The following TNFRSF21 variants were observed in gnomAD, a reference collection of about 807,000 sequenced individuals.
TNFRSF21 encodes the protein tumor necrosis factor receptor superfamily member 21.
TNFRSF21 carries 19 observed loss-of-function variants against 45.6 expected under a neutral mutation model. The ratio of observed to expected loss-of-function variants is 0.42; its 90% CI spans 0.29 to 0.61. The LOEUF (loss-of-function observed/expected upper bound fraction) is 0.61. TNFRSF21 is among the 20% of genes least tolerant of loss of function. The probability of loss-of-function intolerance (pLI) is 0.23; values close to 1 mark genes in which losing one functional copy is unlikely to be tolerated. For synonymous variants in TNFRSF21, 314 were observed against 335.5 expected, an observed-to-expected ratio of 0.94 and a Z score of 0.70; for missense variants, 737 against 851.5, an observed-to-expected ratio of 0.87 and a Z score of 1.67.
At chr6:47,282,248 G>A (rs1159258465) in intron 3 of TNFRSF21, among the ~76,000 whole-genome samples, 1 of 152,002 alleles carries the variant, frequency 6.6e-6, no homozygotes, top group African/African-American at 2.4e-5. Flanking sequence ...AGCTGGGCAT[G>A]GTGGTACATG....
intron 3 of TNFRSF21, among the ~76,000 whole-genome samples, chr6:47,256,584 C>G (rs1333359046): frequency 1.3e-5 from 2 of 152,204 alleles, no homozygotes; most frequent in African/African-American, 4.8e-5. Context: ...CATTACTGTA[C>G]TTCTCACACA....
chr6:47,256,818 T>C (rs745330733), intron 3 of TNFRSF21, among the ~76,000 whole-genome samples: 6 of 152,198 alleles, frequency 3.9e-5, no homozygotes, highest in Non-Finnish European at 7.4e-5. Flanking sequence ...TGAATCTTAA[T>C]TTAGATCAAT....
At chr6:47,283,484 A>T (rs1762597520) in intron 3 of TNFRSF21, among the ~76,000 whole-genome samples, 1 of 152,190 alleles carries the variant, frequency 6.6e-6, no homozygotes, top group Admixed American at 6.5e-5. Flanking sequence ...CAAACTTATG[A>T]CAAGTTGGGT....
intron 1 of TNFRSF21, among the ~76,000 whole-genome samples, chr6:47,308,809 C>T (rs1362027920): frequency 6.6e-6 from 1 of 152,212 alleles, no homozygotes; most frequent in African/African-American, 2.4e-5. Context: ...CCTGAGACCC[C>T]ACCCGAGCCA....
In TNFRSF21 at chr6:47,257,229, G is replaced by GA. The variant is rs569577719; in HGVS notation, c.1244-3709dup. Among the ~76,000 whole-genome samples, 618 of 148,504 alleles carry GA rather than the reference G, an allele frequency of 4.2e-3. 2 individuals carry two copies. The highest frequency in any genetic ancestry group is 7.4e-3 in the Non-Finnish European group (493 of 66,886). ...TTAAGCCACAAAATAAAGAAAAAAA[G>GA]AAAAAAAAACCCACAAAGAATAGAT... is the stretch of plus-strand genomic sequence containing the variant. On this transcript the variant is annotated intron_variant, in intron 3 of 5. Transcript: ENST00000296861.
In TNFRSF21 at chr6:47,286,094, T is replaced by C; in HGVS notation, c.598A>G (p.Ile200Val). 1 of 1,614,164 alleles carries C rather than the reference T, an allele frequency of 6.2e-7. No individual in the cohort carries two copies. The highest frequency in any genetic ancestry group is 8.5e-7 in the Non-Finnish European group (1 of 1,180,018). The change falls in exon 2 of 6, where the codon ATC (isoleucine) becomes GTC (valine). Residue 200 changes from isoleucine to valine, a missense_variant. By Grantham distance (29) the Ile-to-Val change is conservative (BLOSUM62 3). Transcript: ENST00000296861. ...TDCLSQNLVV[I>V]KPGTKETDNV... ...TCTGTCTCCTTGGTCCCCGGCTTGA[T>C]CACCACCAGGTTCTGACTCAGACAG...
chr6:47,274,427 G>A (rs1052122777), intron 3 of TNFRSF21, among the ~76,000 whole-genome samples: 26 of 152,286 alleles, frequency 1.7e-4, no homozygotes, highest in African/African-American at 6.0e-4. Context: ...GGGAAAACTG[G>A]CTAGCCACAT....
chr6:47,283,854 G>T, intron 3 of TNFRSF21, 84 bp downstream of exon 3: 2 of 1,514,202 alleles, frequency 1.3e-6, no homozygotes, highest in East Asian at 4.5e-5. Context: ...CACAAACTAC[G>T]CATTCCCATT....
intron 4 of TNFRSF21, among the ~76,000 whole-genome samples, chr6:47,242,273 A>G (rs1764755418): frequency 6.6e-6 from 1 of 152,222 alleles, no homozygotes; most frequent in Non-Finnish European, 1.5e-5. Flanking sequence ...CAGAATAATG[A>G]AAAGGTTTTG....
intron 1 of TNFRSF21, among the ~76,000 whole-genome samples, chr6:47,297,306 T>G (rs1326192759): frequency 6.6e-6 from 1 of 152,226 alleles, no homozygotes; most frequent in Non-Finnish European, 1.5e-5. Context: ...CAATACCTAC[T>G]CTTCAAAGAC....
intron 3 of TNFRSF21, among the ~76,000 whole-genome samples, chr6:47,259,268 G>A (rs1392290202): frequency 6.6e-6 from 1 of 152,204 alleles, no homozygotes; most frequent in African/African-American, 2.4e-5. Context: ...GATCTAAATT[G>A]TTTAACTGGA....
chr6:47,297,879 G>A (rs1353588073), intron 1 of TNFRSF21, among the ~76,000 whole-genome samples: 1 of 152,098 alleles, frequency 6.6e-6, no homozygotes, highest in Non-Finnish European at 1.5e-5. Flanking sequence ...CCTGAGAAGT[G>A]TATCAAAGAC....
intron 3 of TNFRSF21, among the ~76,000 whole-genome samples, chr6:47,261,184 CACAGCACAT>C (rs1765069184): frequency 6.6e-6 from 1 of 152,176 alleles, no homozygotes; most frequent in Non-Finnish European, 1.5e-5. Context: ...CAGAGATGGC[CACAGCACAT>C]ACAGCAACTA....
intron 1 of TNFRSF21, among the ~76,000 whole-genome samples, chr6:47,305,793 C>A (rs1181824820): frequency 6.6e-6 from 1 of 152,212 alleles, no homozygotes; most frequent in Non-Finnish European, 1.5e-5. Flanking sequence ...GACCTCATAT[C>A]TTTACCAATT....
intron 1 of TNFRSF21, among the ~76,000 whole-genome samples, chr6:47,294,923 C>A: frequency 6.6e-6 from 1 of 152,316 alleles, no homozygotes; most frequent in Non-Finnish European, 1.5e-5. Context: ...CTTATCTATG[C>A]ACCATCCTAG....
chr6:47,234,931 T>TA, intron 4 of TNFRSF21, 33 bp from the exon 5 acceptor site: 1 of 1,202,034 alleles, frequency 8.3e-7, no homozygotes, highest in Non-Finnish European at 1.1e-6. Flanking sequence ...TTATTATATA[T>TA]AGAAAAAAAA....
At chr6:47,272,514 C>T (rs1395121449) in intron 3 of TNFRSF21, among the ~76,000 whole-genome samples, 1 of 152,172 alleles carries the variant, frequency 6.6e-6, no homozygotes, top group Non-Finnish European at 1.5e-5. Context: ...ACATTTAAAG[C>T]AGTGTGTAGA....
chr6:47,279,563 G>A (rs1762539375), intron 3 of TNFRSF21, among the ~76,000 whole-genome samples: 1 of 152,072 alleles, frequency 6.6e-6, no homozygotes, highest in Admixed American at 6.6e-5. Flanking sequence ...TGTTTTCCAC[G>A]TAACCTCTCA....
At chr6:47,294,653 A>C (rs952964886) in intron 1 of TNFRSF21, among the ~76,000 whole-genome samples, 1 of 152,066 alleles carries the variant, frequency 6.6e-6, no homozygotes, top group South Asian at 2.1e-4. Flanking sequence ...TAAGGTGACA[A>C]GCAAATGTAT....
Sources: allele counts gnomAD v4.1 joint callset (sites outside exome capture counted in the v4.1 genomes callset), GRCh38; gene constraint gnomAD v4.1.1; transcripts MANE v1.5; gene names NCBI Gene and HGNC (gene_info 2026-07-23, HGNC 2026-07-21).